The following EIF2AK3 variants were observed in gnomAD, a reference collection of about 807,000 sequenced individuals.
The protein encoded by EIF2AK3 is eukaryotic translation initiation factor 2 alpha kinase 3.
EIF2AK3 carries 50 observed loss-of-function variants against 113.5 expected under a neutral mutation model. The observed-to-expected ratio is 0.44, with a 90% CI of 0.35 to 0.56. EIF2AK3 has a LOEUF of 0.56. Ranked by LOEUF, EIF2AK3 falls within the 20% of genes least tolerant of loss-of-function variation. EIF2AK3 has a pLI of 0.00. For missense variants in EIF2AK3, 1,185 were observed against 1,378.0 expected (o/e 0.86, Z 2.22); for synonymous variants, 448 against 495.4 (o/e 0.90, Z 1.27).
At chr2:88,576,108 AAG>A (rs1674450646) in intron 12 of EIF2AK3, among the ~76,000 whole-genome samples, 1 of 152,356 alleles carries the variant, frequency 6.6e-6, no homozygotes, top group African/African-American at 2.4e-5. Context: ...GTTAACTGCT[AAG>A]AGAACTAAAT....
chr2:88,597,907 G>A (rs1016612275), intron 2 of EIF2AK3, among the ~76,000 whole-genome samples: 1 of 152,096 alleles, frequency 6.6e-6, no homozygotes. Flanking sequence ...TAAAAGTAGT[G>A]CACTCATACC....
intron 15 of EIF2AK3, 77 bp downstream of exon 15, chr2:88,562,212 G>T: frequency 1.7e-6 from 2 of 1,185,566 alleles, no homozygotes; most frequent in Non-Finnish European, 2.5e-6. Context: ...GAAGAACTAA[G>T]TCTTTAAAAA....
chr2:88,610,741 TAATA>T lies in EIF2AK3; in HGVS notation c.438+2979_438+2982del, dbSNP rs557449938. ...TGGAGTGGGTTTATTGTTATTTCTTTAATAAAATACATGTTTTTTAAACATTTGT... is the reference window on the plus strand; with the variant it reads ...TGGAGTGGGTTTATTGTTATTTCTTTAAATACATGTTTTTTAAACATTTGT... On this transcript the variant is annotated intron_variant, in intron 2 of 16. Coordinates refer to ENST00000303236, the MANE Select transcript of EIF2AK3 (RefSeq NM_004836.7). 4.3e-3 allele frequency among the ~76,000 whole-genome samples: 657 copies of T among 152,350 alleles called. 1 individual carries two copies. Among genetic ancestry groups the T allele is most frequent in the African/African-American group, 0.015 (612 of 41,582 alleles).
intron 2 of EIF2AK3, among the ~76,000 whole-genome samples, chr2:88,602,214 C>T (rs11681299): frequency 0.25 from 37,690 of 152,062 alleles, 5,645 homozygotes; most frequent in East Asian, 0.47. Context: ...TTTGCATACA[C>T]TAGCATTTTC....
chr2:88,607,574 T>C (rs929350113), intron 2 of EIF2AK3, among the ~76,000 whole-genome samples: 3 of 152,206 alleles, frequency 2.0e-5, no homozygotes, highest in African/African-American at 7.2e-5. Context: ...ATTCTAAATG[T>C]AATTTAAAAC....
At chr2:88,574,639 C>T (rs1674404397) in intron 13 of EIF2AK3, 27 bp downstream of exon 13, 2 of 1,612,996 alleles carry the variant, frequency 1.2e-6, no homozygotes, top group African/African-American at 1.3e-5. Context: ...ATTGAAACCC[C>T]AAGGGTGATG....
At chr2:88,617,991 T>G (rs1238810337) in intron 1 of EIF2AK3, among the ~76,000 whole-genome samples, 1 of 152,092 alleles carries the variant, frequency 6.6e-6, no homozygotes, top group Non-Finnish European at 1.5e-5. Context: ...GACCAGCCTA[T>G]GCAACATACT....
chr2:88,581,895 T>C (rs1674609122), intron 10 of EIF2AK3, among the ~76,000 whole-genome samples: 1 of 152,104 alleles, frequency 6.6e-6, no homozygotes, highest in Admixed American at 6.5e-5. Flanking sequence ...CACTGCCAGG[T>C]AGGTACCTTG....
chr2:88,609,945 C>CA (rs71378880), intron 2 of EIF2AK3, among the ~76,000 whole-genome samples: 14,279 of 38,850 alleles, frequency 0.37, 3,408 homozygotes, highest in East Asian at 0.47. Context: ...TCCATCTCTA[C>CA]AAAAAAAAAA....
At chr2:88,578,612 G>T (rs936603423) in intron 11 of EIF2AK3, among the ~76,000 whole-genome samples, 1 of 151,860 alleles carries the variant, frequency 6.6e-6, no homozygotes, top group South Asian at 2.1e-4. Context: ...AACCAGGGAG[G>T]CAAAGGTTGC....
chr2:88,590,777 G>A, intron 5 of EIF2AK3, 41 bp downstream of exon 5: 1 of 1,607,520 alleles, frequency 6.2e-7, no homozygotes, highest in South Asian at 1.1e-5. Context: ...CAGACTGGGA[G>A]AGGAAGAACC....
intron 2 of EIF2AK3, among the ~76,000 whole-genome samples, chr2:88,610,329 T>C (rs892559116): frequency 6.6e-6 from 1 of 152,206 alleles, no homozygotes; most frequent in African/African-American, 2.4e-5. Flanking sequence ...AAATCATGCA[T>C]GAGTAAAAGG....
chr2:88,574,972 T>C lies in EIF2AK3; in HGVS notation c.2511A>G (p.Leu837=), dbSNP rs752633958. 39 of 1,614,078 alleles carry C rather than the reference T, an allele frequency of 2.4e-5. No homozygotes were observed. Among genetic ancestry groups the C allele is most frequent in the Non-Finnish European group, 3.1e-5 (36 of 1,180,022 alleles). ...TGCTACTGGTGGGCTTGAAAGCAGTTAGTTTATTAGCACAATGGTTGCCAA... is the reference window on the plus strand; with the variant it reads ...TGCTACTGGTGGGCTTGAAAGCAGTCAGTTTATTAGCACAATGGTTGCCAA... The part of the protein sequence containing the change: ...LHIGNHCANK[L]TAFKPTSSKS... The change falls in exon 13 of 17, where the codon CTA becomes CTG. Residue 837 remains leucine, a synonymous_variant. Coordinates refer to ENST00000303236, the MANE Select transcript of EIF2AK3 (RefSeq NM_004836.7).
At chr2:88,588,944 A>T in intron 6 of EIF2AK3, 43 bp from the exon 7 acceptor site, 1 of 1,606,352 alleles carries the variant, frequency 6.2e-7, no homozygotes, top group Non-Finnish European at 8.5e-7. Flanking sequence ...TGATTTTTTT[A>T]AAAAGGTTTT....
At chr2:88,597,065 GT>G (rs1675039044) in intron 2 of EIF2AK3, among the ~76,000 whole-genome samples, 1 of 152,122 alleles carries the variant, frequency 6.6e-6, no homozygotes, top group Admixed American at 6.6e-5. Flanking sequence ...TTTCTACATA[GT>G]TTTTTGTTCT....
chr2:88,618,350 A>G (rs1379694131), intron 1 of EIF2AK3, among the ~76,000 whole-genome samples: 2 of 152,262 alleles, frequency 1.3e-5, no homozygotes, highest in African/African-American at 4.8e-5. Context: ...GGAACTGCAG[A>G]GACAGCTTTT....
At chr2:88,610,487 A>G (rs1675428137) in intron 2 of EIF2AK3, among the ~76,000 whole-genome samples, 1 of 152,226 alleles carries the variant, frequency 6.6e-6, no homozygotes. Flanking sequence ...TGAAAAGGCT[A>G]CTAGAATATT....
chr2:88,597,803 A>C (rs1675055011), intron 2 of EIF2AK3, among the ~76,000 whole-genome samples: 1 of 152,168 alleles, frequency 6.6e-6, no homozygotes, highest in Non-Finnish European at 1.5e-5. Context: ...CTATAATCCG[A>C]GACACCGTGA....
rs1445926746 is a variant in EIF2AK3, at chr2:88,593,307, A to C, written c.732T>G (p.Thr244=). Residue 244 remains threonine (T), a synonymous_variant, in exon 4 of 17, where the codon ACT becomes ACG. Coordinates refer to ENST00000303236, the MANE Select transcript of EIF2AK3 (RefSeq NM_004836.7). ...DILLLQRTQK[T]VRAVGPRSGN... ...CACTGCGAGGTCCGACAGCTCTAAC[A>C]GTTTTTTGGGTACGCTGTAGAAGCA... 6.2e-7 allele frequency: 1 copy of C among 1,614,106 alleles called. No individual in the cohort carries two copies. The highest frequency in any genetic ancestry group is 8.5e-7 in the Non-Finnish European group (1 of 1,179,992).
Sources: allele counts gnomAD v4.1 joint callset (sites outside exome capture counted in the v4.1 genomes callset), GRCh38; gene constraint gnomAD v4.1.1; transcripts MANE v1.5; gene names NCBI Gene and HGNC (gene_info 2026-07-23, HGNC 2026-07-21).